GRIA3: variants seen among roughly 807,000 people sequenced by gnomAD.
The protein encoded by GRIA3 is glutamate ionotropic receptor AMPA type subunit 3.
GRIA3 carries 3 observed loss-of-function variants against 63.0 expected under a neutral mutation model. The observed-to-expected ratio is 0.05, with a 90% confidence interval of 0.02 to 0.12. The LOEUF is 0.12. Ranked by LOEUF, GRIA3 falls within the 10% of genes least tolerant of loss-of-function variation. The pLI is 1.00. For synonymous variants in GRIA3, 274 were observed against 257.9 expected (o/e 1.06, Z -0.60); for missense variants, 347 against 700.9 (o/e 0.50, Z 5.70).
intron 2 of GRIA3, among the ~76,000 whole-genome samples, chrX:123,193,824 G>T (rs1311197407): frequency 9.0e-6 from 1 of 111,518 alleles, no homozygotes; most frequent in Non-Finnish European, 1.9e-5. Flanking sequence ...TCTCTGTTCA[G>T]ATTACCACCT....
At chrX:123,236,173 G>A (rs1603040970) in intron 2 of GRIA3, among the ~76,000 whole-genome samples, 1 of 111,743 alleles carries the variant, frequency 8.9e-6, no homozygotes, top group South Asian at 3.7e-4. Context: ...TTGCTGCCTG[G>A]CTGGCACTTA....
chrX:123,344,615 A>T (rs2045031546), intron 4 of GRIA3, among the ~76,000 whole-genome samples: 2 of 111,270 alleles, frequency 1.8e-5, no homozygotes, highest in Admixed American at 1.9e-4. Context: ...TTCCAATTAA[A>T]CTACTGGCCC....
intron 4 of GRIA3, among the ~76,000 whole-genome samples, chrX:123,349,399 A>G (rs2045078000): frequency 8.9e-6 from 1 of 112,359 alleles, no homozygotes; most frequent in Non-Finnish European, 1.9e-5. Flanking sequence ...CCATTGAGTC[A>G]TGATGAATGC....
intron 12 of GRIA3, among the ~76,000 whole-genome samples, chrX:123,442,724 C>CATCTGTGTTTTTCCAATA (rs914692979): frequency 9.0e-6 from 1 of 111,700 alleles, no homozygotes; most frequent in African/African-American, 3.3e-5. Flanking sequence ...TAATTCCATG[C>CATCTGTGTTTTTCCAATA]ATCTGTGTTT....
intron 2 of GRIA3, among the ~76,000 whole-genome samples, chrX:123,203,511 C>T (rs1204646650): frequency 9.0e-6 from 1 of 111,599 alleles, no homozygotes; most frequent in Non-Finnish European, 1.9e-5. Context: ...GGGGGAGATC[C>T]TGCATCTTTC....
At chrX:123,275,635 T>C (rs1024706235) in intron 3 of GRIA3, among the ~76,000 whole-genome samples, 11 of 112,224 alleles carry the variant, frequency 9.8e-5, no homozygotes, top group Non-Finnish European at 1.5e-4. Context: ...TAACCACCAC[T>C]GGGCTCTTGA....
chrX:123,450,424 G>GA lies in GRIA3; in HGVS notation c.2077-14434dup, dbSNP rs755042798. Among the ~76,000 whole-genome samples, 467 of 112,348 alleles carry GA rather than the reference G, an allele frequency of 4.2e-3. 1 individual carries two copies. Among genetic ancestry groups the GA allele is most frequent in the African/African-American group, 0.014 (444 of 30,952 alleles). ...CACTGGGAGGCAGTGCAGAGTAGTA[G>GA]AAAAAAACAACACAGGTTTTTGAAA... On this transcript the variant is annotated intron_variant, in intron 12 of 15. Transcript: ENST00000620443.
chrX:123,353,880 TCA>T (rs1430447409), intron 4 of GRIA3, among the ~76,000 whole-genome samples: 1 of 111,548 alleles, frequency 9.0e-6, no homozygotes, highest in African/African-American at 3.3e-5. Flanking sequence ...ATAAAAATCC[TCA>T]GTTAGCCAGA....
intron 4 of GRIA3, among the ~76,000 whole-genome samples, chrX:123,339,103 C>T (rs1398088167): frequency 8.9e-6 from 1 of 112,021 alleles, no homozygotes; most frequent in Non-Finnish European, 1.9e-5. Context: ...TCTGTCATTA[C>T]AACAGAATCC....
intron 2 of GRIA3, among the ~76,000 whole-genome samples, chrX:123,222,434 T>A (rs187259401): frequency 1.0e-3 from 117 of 112,485 alleles, no homozygotes; most frequent in African/African-American, 3.6e-3. Context: ...AGTTGGCTTC[T>A]GAGAAACTCT....
chrX:123,343,462 T>C (rs748274439), intron 4 of GRIA3, among the ~76,000 whole-genome samples: 2 of 111,709 alleles, frequency 1.8e-5, no homozygotes, highest in Non-Finnish European at 3.8e-5. Context: ...TTATTTTAAA[T>C]AGGCCATCTT....
At position 123,413,532 on chromosome X, in the gene GRIA3, CAAAAAAAAAAAAAAAAAAAAAAA is replaced by C. The variant is rs570201736; in HGVS notation, c.1501-3854_1501-3832del. Among the ~76,000 whole-genome samples, 34 of 15,882 alleles carry C rather than the reference CAAAAAAAAAAAAAAAAAAAAAAA, an allele frequency of 2.1e-3. No homozygotes were observed. The East Asian group carries it at 0.041, about 19-fold the overall frequency. The allele number at this position is 15,882 out of a possible 115,157, so 13.8% of individuals were successfully genotyped here. A position where few individuals can be genotyped will look rare whatever the true frequency, so the allele number is the denominator to read the frequency against. The stretch of plus-strand genomic sequence containing the variant: ...TCTAACTGATTCAGACTCTCTCTGC[CAAAAAAAAAAAAAAAAAAAAAAA>C]AAAAAAAAAAAAAAACACTCTGCTA... On this transcript the variant is annotated intron_variant, in intron 10 of 15. Coordinates refer to ENST00000620443, the MANE Select transcript of GRIA3 (RefSeq NM_007325.5).
At chrX:123,441,788 T>A (rs183100099) in intron 12 of GRIA3, among the ~76,000 whole-genome samples, 98 of 104,533 alleles carry the variant, frequency 9.4e-4, no homozygotes, top group Non-Finnish European at 1.7e-3. Context: ...TGAAGTTTGA[T>A]TTCCAAATGT....
At chrX:123,331,410 C>G (rs988328059) in intron 4 of GRIA3, among the ~76,000 whole-genome samples, 1 of 111,610 alleles carries the variant, frequency 9.0e-6, no homozygotes, top group African/African-American at 3.3e-5. Flanking sequence ...ACATTAGGGG[C>G]CCTTCTAAAT....
In GRIA3 at chrX:123,330,047, G is replaced by A. The variant is rs184987512; in HGVS notation, c.696+3834G>A. 9.0e-3 allele frequency among the ~76,000 whole-genome samples: 1,008 copies of A among 111,766 alleles called. 5 individuals are homozygous for A. Among genetic ancestry groups the A allele is most frequent in the Non-Finnish European group, 0.015 (800 of 53,081 alleles). On this transcript the variant is annotated intron_variant, in intron 4 of 15. Transcript: ENST00000620443. Reference sequence around the variant, plus strand: ...TCACTTACTATCTTTGTGACCCAAGGCAAGTTATTCAATTCTCTGTGCCTC... The same window carrying A: ...TCACTTACTATCTTTGTGACCCAAGACAAGTTATTCAATTCTCTGTGCCTC...
Position 123,184,575 on chromosome X carries a change from G to A in GRIA3, c.40G>A (p.Ala14Thr), listed in dbSNP as rs1443326387. Residue 14 changes from alanine (A) to threonine (T), a missense_variant, in exon 1 of 16, where the codon GCG becomes ACG. Ala to Thr is a moderately conservative substitution (Grantham distance 58). Coordinates refer to ENST00000620443, the MANE Select transcript of GRIA3 (RefSeq NM_007325.5). The stretch of plus-strand genomic sequence containing the variant: ...GAAAATGGGGCAAAGCGTGCTCCGG[G>A]CGGTCTTCTTTTTAGTCCTGGGGCT... ...QKKMGQSVLRAVFFLVLGLLG... is the reference protein window; with the variant it reads ...QKKMGQSVLRTVFFLVLGLLG... The A allele has an allele frequency of 9.1e-6, 11 of 1,208,068 alleles. No homozygotes were observed. The highest frequency in any genetic ancestry group is 5.9e-5 in the East Asian group (2 of 33,680).
chrX:123,303,608 T>G (rs1366609194), intron 3 of GRIA3, among the ~76,000 whole-genome samples: 1 of 110,386 alleles, frequency 9.1e-6, no homozygotes, highest in East Asian at 2.9e-4. Context: ...TCAGTACTGG[T>G]CTAGTTCCAT....
chrX:123,341,883 T>TAA (rs1316591253), intron 4 of GRIA3, among the ~76,000 whole-genome samples: 1 of 111,761 alleles, frequency 8.9e-6, no homozygotes, highest in Non-Finnish European at 1.9e-5. Context: ...AAAGCAAGAG[T>TAA]AAACACTGCC....
intron 5 of GRIA3, among the ~76,000 whole-genome samples, chrX:123,390,307 T>A (rs2045378391): frequency 8.9e-6 from 1 of 112,065 alleles, no homozygotes; most frequent in Non-Finnish European, 1.9e-5. Context: ...CCTTAAGCAT[T>A]TTTTATATGG....
Sources: allele counts gnomAD v4.1 joint callset (sites outside exome capture counted in the v4.1 genomes callset), GRCh38; gene constraint gnomAD v4.1.1; transcripts MANE v1.5; gene names NCBI Gene and HGNC (gene_info 2026-07-23, HGNC 2026-07-21).